Variants in NAV2 observed in about 807,000 individuals in gnomAD.
NAV2 encodes the protein helicase, APC down-regulated 1.
NAV2 carries 54 observed loss-of-function variants against 223.2 expected under a neutral mutation model. That is an observed-to-expected ratio of 0.24 (90% confidence interval 0.19 to 0.30). NAV2 has a LOEUF of 0.30. Among genes scored for constraint, NAV2 ranks in the 10% least tolerant of loss-of-function variants. The pLI is 1.00. For missense variants in NAV2, 2,806 were observed against 3,147.5 expected, an observed-to-expected ratio of 0.89 and a Z score of 2.60; for synonymous variants, 1,279 against 1,239.3, an observed-to-expected ratio of 1.03 and a Z score of -0.67.
intron 6 of NAV2, among the ~76,000 whole-genome samples, chr11:19,895,200 G>A (rs1421322408): frequency 1.5e-5 from 2 of 137,088 alleles, no homozygotes; most frequent in Non-Finnish European, 3.0e-5. Flanking sequence ...CCAAGTGGCT[G>A]GGATTACAAG....
chr11:19,931,609 A>AAAAAAAAAAAAAAAAAAAAAAAAAG (rs10692495), intron 6 of NAV2, among the ~76,000 whole-genome samples: 1 of 137,306 alleles, frequency 7.3e-6, no homozygotes. Flanking sequence ...AAAAAAAAAA[A>AAAAAAAAAAAAAAAAAAAAAAAAAG]GCAGAAGAAG....
chr11:19,548,111 G>A (rs1379455564), intron 1 of NAV2, among the ~76,000 whole-genome samples: 2 of 152,184 alleles, frequency 1.3e-5, no homozygotes, highest in African/African-American at 4.8e-5. Context: ...TAGTTCGTAG[G>A]ATAGGTTTAG....
intron 3 of NAV2, 79 bp downstream of exon 3, chr11:19,843,002 C>A: frequency 2.5e-6 from 3 of 1,184,698 alleles, no homozygotes; most frequent in African/African-American, 1.5e-5. Context: ...ATCTTGAAAA[C>A]ATTCATACCA....
At chr11:20,018,676 T>TA (rs1313773960) in intron 11 of NAV2, among the ~76,000 whole-genome samples, 1 of 152,194 alleles carries the variant, frequency 6.6e-6, no homozygotes, top group Non-Finnish European at 1.5e-5. Context: ...ACTGGGAGGA[T>TA]ATGGCTCAGA....
intron 1 of NAV2, among the ~76,000 whole-genome samples, chr11:19,788,756 TG>T (rs1318762046): frequency 6.6e-6 from 1 of 152,192 alleles, no homozygotes; most frequent in Non-Finnish European, 1.5e-5. Context: ...CATTCTCACC[TG>T]GGGGAGTTTG....
At chr11:19,816,547 T>G (rs1030097513) in intron 1 of NAV2, among the ~76,000 whole-genome samples, 5 of 152,204 alleles carry the variant, frequency 3.3e-5, no homozygotes, top group Non-Finnish European at 7.4e-5. Flanking sequence ...TTCATCTAAG[T>G]TGGTGCAGTA....
chr11:19,355,349 C>T (rs1473477057), intron 1 of NAV2, among the ~76,000 whole-genome samples: 2 of 151,084 alleles, frequency 1.3e-5, no homozygotes, highest in Non-Finnish European at 2.9e-5. Context: ...AGCATGAAAG[C>T]TTCCTGGAGC....
At chr11:19,585,372 C>T (rs2045861658) in intron 1 of NAV2, among the ~76,000 whole-genome samples, 1 of 151,956 alleles carries the variant, frequency 6.6e-6, no homozygotes, top group African/African-American at 2.4e-5. Context: ...GCATTTAGCC[C>T]ATTTACATTT....
At chr11:19,757,764 C>T (rs1318395245) in intron 1 of NAV2, among the ~76,000 whole-genome samples, 1 of 152,100 alleles carries the variant, frequency 6.6e-6, no homozygotes, top group Non-Finnish European at 1.5e-5. Flanking sequence ...ATGGATTGTC[C>T]TATTTAATCT....
chr11:19,742,722 G>T (rs561563155), intron 1 of NAV2, among the ~76,000 whole-genome samples: 1 of 152,240 alleles, frequency 6.6e-6, no homozygotes, highest in Non-Finnish European at 1.5e-5. Flanking sequence ...CTGATGCACA[G>T]ATGGGCAGGA....
At chr11:19,664,438 G>T (rs1259032677) in intron 1 of NAV2, among the ~76,000 whole-genome samples, 1 of 152,136 alleles carries the variant, frequency 6.6e-6, no homozygotes, top group African/African-American at 2.4e-5. Context: ...CATGTTTCAT[G>T]TCCCAGCCTG....
At chr11:19,369,426 A>G (rs1263831545) in intron 1 of NAV2, among the ~76,000 whole-genome samples, 1 of 152,218 alleles carries the variant, frequency 6.6e-6, no homozygotes, top group African/African-American at 2.4e-5. Context: ...TGTATTTGAT[A>G]AACAAAATAG....
At chr11:20,009,907 C>T (rs1351628486) in intron 11 of NAV2, among the ~76,000 whole-genome samples, 1 of 151,890 alleles carries the variant, frequency 6.6e-6, no homozygotes, top group Non-Finnish European at 1.5e-5. Context: ...ATTGGGTGTC[C>T]CTCCTATTTG....
intron 1 of NAV2, among the ~76,000 whole-genome samples, chr11:19,499,067 A>C (rs1411106229): frequency 6.6e-6 from 1 of 152,204 alleles, no homozygotes; most frequent in African/African-American, 2.4e-5. Flanking sequence ...AGCCTAGCCA[A>C]CCTGTTCATA....
At chr11:19,939,818 C>A in intron 8 of NAV2, 45 bp downstream of exon 8, 1 of 1,415,352 alleles carries the variant, frequency 7.1e-7, no homozygotes, top group Non-Finnish European at 9.9e-7. Context: ...GTGATGAGGC[C>A]TTCCACGCAA....
intron 1 of NAV2, among the ~76,000 whole-genome samples, chr11:19,606,870 G>A (rs1481890551): frequency 6.6e-6 from 1 of 152,166 alleles, no homozygotes; most frequent in Non-Finnish European, 1.5e-5. Context: ...GGCCTTACCT[G>A]AGATCTTAGA....
chr11:19,823,684 G>A (rs1335161696), intron 1 of NAV2, among the ~76,000 whole-genome samples: 1 of 152,152 alleles, frequency 6.6e-6, no homozygotes, highest in Admixed American at 6.6e-5. Flanking sequence ...GGAAGGTCGA[G>A]CAACTCAGTA....
chr11:19,877,716 C>A (rs7123511), intron 4 of NAV2, among the ~76,000 whole-genome samples: 3,045 of 152,106 alleles, frequency 0.02, 83 homozygotes, highest in African/African-American at 0.069. Context: ...TCGTGATCCA[C>A]CCACCTCGGC....
At chr11:20,016,301 C>T (rs2053998803) in intron 11 of NAV2, among the ~76,000 whole-genome samples, 1 of 152,108 alleles carries the variant, frequency 6.6e-6, no homozygotes, top group Admixed American at 6.5e-5. Flanking sequence ...CCCACATGGT[C>T]CTGTTCCTTA....
Sources: allele counts gnomAD v4.1 joint callset (sites outside exome capture counted in the v4.1 genomes callset), GRCh38; gene constraint gnomAD v4.1.1; transcripts MANE v1.5; gene names NCBI Gene and HGNC (gene_info 2026-07-23, HGNC 2026-07-21).